Variants in ELAVL2 observed in about 807,000 individuals in gnomAD.
ELAVL2 encodes ELAV-like protein 2.
ELAVL2 carries 4 observed loss-of-function variants against 34.6 expected under a neutral mutation model. That is an observed-to-expected ratio of 0.12 (90% CI 0.06 to 0.26). The LOEUF (loss-of-function observed/expected upper bound fraction) is 0.26. Among genes scored for constraint, ELAVL2 ranks in the 10% least tolerant of loss-of-function variants. ELAVL2 has a pLI of 1.00. For missense variants in ELAVL2, 432 were observed against 442.8 expected (o/e 0.98, Z 0.22); for synonymous variants, 193 against 154.8 (o/e 1.25, Z -1.83).
chr9:23,697,507 TAG>T (rs1302009256), intron 5 of ELAVL2, among the ~76,000 whole-genome samples: 1 of 152,152 alleles, frequency 6.6e-6, no homozygotes, highest in African/African-American at 2.4e-5. Flanking sequence ...TATGTTTGAT[TAG>T]AGTTTATAAT....
chr9:23,777,015 A>G (rs931478312), intron 1 of ELAVL2, among the ~76,000 whole-genome samples: 10 of 152,160 alleles, frequency 6.6e-5, no homozygotes, highest in Non-Finnish European at 1.5e-4. Context: ...CCAGGTACCC[A>G]TTTCCTGTTA....
chr9:23,792,283 A>T (rs1282334350), intron 1 of ELAVL2, among the ~76,000 whole-genome samples: 1 of 152,232 alleles, frequency 6.6e-6, no homozygotes, highest in African/African-American at 2.4e-5. Flanking sequence ...TCTACTTATG[A>T]CATCTTCAAC....
chr9:23,711,375 A>G (rs983233491), intron 3 of ELAVL2, among the ~76,000 whole-genome samples: 3 of 152,330 alleles, frequency 2.0e-5, no homozygotes, highest in Non-Finnish European at 2.9e-5. Flanking sequence ...ACCACGGAAT[A>G]TATTTGATAA....
chr9:23,741,459 C>A (rs2049156930), intron 2 of ELAVL2, among the ~76,000 whole-genome samples: 1 of 152,102 alleles, frequency 6.6e-6, no homozygotes, highest in Non-Finnish European at 1.5e-5. Context: ...TAACTAGGGA[C>A]CTCAGTGTTA....
At chr9:23,815,115 C>A (rs1283079225) in intron 1 of ELAVL2, among the ~76,000 whole-genome samples, 1 of 151,814 alleles carries the variant, frequency 6.6e-6, no homozygotes, top group Admixed American at 6.6e-5. Context: ...GGAATGGATC[C>A]TTGATAAGAG....
At chr9:23,721,319 G>T (rs2134087005) in intron 3 of ELAVL2, among the ~76,000 whole-genome samples, 1 of 152,258 alleles carries the variant, frequency 6.6e-6, no homozygotes, top group Admixed American at 6.5e-5. Flanking sequence ...TTCTCTCAAT[G>T]ACTCTTTCTA....
At chr9:23,768,026 C>T (rs986635701) in intron 1 of ELAVL2, among the ~76,000 whole-genome samples, 2 of 152,120 alleles carry the variant, frequency 1.3e-5, no homozygotes, top group African/African-American at 4.8e-5. Context: ...TCATCTTCTT[C>T]AGGACCAGCA....
chr9:23,803,959 C>G (rs2137768061), intron 1 of ELAVL2, among the ~76,000 whole-genome samples: 1 of 152,246 alleles, frequency 6.6e-6, no homozygotes, highest in South Asian at 2.1e-4. Context: ...CGACCATGCA[C>G]AACGCTCAGC....
intron 4 of ELAVL2, among the ~76,000 whole-genome samples, chr9:23,704,147 G>GTTTTTTTTTTTTTTTTTTTT: frequency 6.6e-6 from 1 of 151,790 alleles, no homozygotes; most frequent in Non-Finnish European, 1.5e-5. Context: ...GGTCACGCTG[G>GTTTTTTTTTTTTTTTTTTTT]TCTTGAACTC....
chr9:23,719,310 G>T (rs1181944387), intron 3 of ELAVL2, among the ~76,000 whole-genome samples: 3 of 152,164 alleles, frequency 2.0e-5, no homozygotes, highest in Admixed American at 2.0e-4. Flanking sequence ...TTGCCACTTG[G>T]CAGATAAATG....
At chr9:23,794,651 T>C (rs949983005) in intron 1 of ELAVL2, among the ~76,000 whole-genome samples, 4 of 152,212 alleles carry the variant, frequency 2.6e-5, no homozygotes, top group Admixed American at 2.0e-4. Flanking sequence ...AGACTAATTA[T>C]TAAAATTACA....
At chr9:23,735,301 G>C (rs999723502) in intron 2 of ELAVL2, 2 of 151,858 alleles carry the variant, frequency 1.3e-5, no homozygotes, top group Non-Finnish European at 2.9e-5. Context: ...TTGAGGCAAG[G>C]TCTCTCTCTC....
At chr9:23,830,324 A>G (rs1443118621), upstream of ELAVL2, 1 of 152,090 alleles carries the variant, frequency 6.6e-6, no homozygotes, top group African/African-American at 2.4e-5. Flanking sequence ...CATTGCAAAC[A>G]CTTTCGTTAG....
intron 3 of ELAVL2, among the ~76,000 whole-genome samples, chr9:23,708,043 G>GTGATTTTTTT (rs2039881686): frequency 6.9e-6 from 1 of 144,484 alleles, no homozygotes; most frequent in South Asian, 2.5e-4. Context: ...GGTCAGTTAT[G>GTGATTTTTTT]TGATTTTTTT....
chr9:23,811,194 G>T (rs2062936187), intron 1 of ELAVL2, among the ~76,000 whole-genome samples: 1 of 151,992 alleles, frequency 6.6e-6, no homozygotes, highest in Admixed American at 6.5e-5. Context: ...AACTGTTTGG[G>T]AAAAAATTTT....
chr9:23,817,855 T>C (rs1348540887), intron 1 of ELAVL2, among the ~76,000 whole-genome samples: 1 of 152,196 alleles, frequency 6.6e-6, no homozygotes, highest in Non-Finnish European at 1.5e-5. Flanking sequence ...CCAAAAGTTA[T>C]CATTTAAATC....
chr9:23,758,223 G>A (rs1192240087), intron 2 of ELAVL2, among the ~76,000 whole-genome samples: 1 of 152,052 alleles, frequency 6.6e-6, no homozygotes, highest in Non-Finnish European at 1.5e-5. Context: ...CCACAGGACA[G>A]GGTCCAAAGC....
At chr9:23,774,850 C>T (rs1423335699) in intron 1 of ELAVL2, among the ~76,000 whole-genome samples, 1 of 150,930 alleles carries the variant, frequency 6.6e-6, no homozygotes, top group Non-Finnish European at 1.5e-5. Context: ...AAATCTAATC[C>T]ACGATTATAC....
chr9:23,746,127 A>T (rs1212241797), intron 2 of ELAVL2, among the ~76,000 whole-genome samples: 1 of 152,216 alleles, frequency 6.6e-6, no homozygotes, highest in African/African-American at 2.4e-5. Flanking sequence ...AAATATGAGT[A>T]AATTGTTTGA....
Sources: gnomAD v4.1 joint callset for allele counts (sites outside exome capture counted in the v4.1 genomes callset) on GRCh38, gnomAD v4.1.1 for gene constraint, MANE v1.5 for transcripts, NCBI Gene and HGNC (gene_info 2026-07-23, HGNC 2026-07-21) for gene names.